The following BCAS3 variants were observed in gnomAD, a reference collection of about 807,000 sequenced individuals.
BCAS3 encodes the protein BCAS3 microtubule associated cell migration factor.
In BCAS3, 53 loss-of-function variants were observed where a neutral mutation model predicts 116.1. The ratio of observed to expected loss-of-function variants is 0.46; its 90% confidence interval spans 0.37 to 0.57. The LOEUF is 0.57. Ranked by LOEUF, BCAS3 falls within the 20% of genes least tolerant of loss-of-function variation. The probability of loss-of-function intolerance (pLI) is 0.00; values close to 1 mark genes in which losing one functional copy is unlikely to be tolerated. For missense variants in BCAS3, 917 were observed against 1,165.4 expected (o/e 0.79, Z 3.10); for synonymous variants, 391 against 408.2 (o/e 0.96, Z 0.51).
intron 7 of BCAS3, among the ~76,000 whole-genome samples, chr17:60,820,947 AAACT>A (rs1228664241): frequency 6.6e-6 from 1 of 152,160 alleles, no homozygotes; most frequent in Non-Finnish European, 1.5e-5. Flanking sequence ...TTTATTAATA[AAACT>A]AACTTTTTTT....
chr17:60,711,193 AG>A (rs1171816251), intron 5 of BCAS3, among the ~76,000 whole-genome samples: 3 of 151,704 alleles, frequency 2.0e-5, no homozygotes, highest in Non-Finnish European at 4.4e-5. Context: ...CGGAGATAGA[AG>A]AATCGTGCTG....
intron 6 of BCAS3, among the ~76,000 whole-genome samples, chr17:60,786,207 G>A (rs1280094263): frequency 6.6e-6 from 1 of 152,150 alleles, no homozygotes; most frequent in African/African-American, 2.4e-5. Context: ...TTGGTAGAAT[G>A]TGAGAATATA....
rs757589936 is a variant in BCAS3 at position 61,015,906 on chromosome 17, G to A, written c.1637+5G>A. On this transcript the variant is annotated splice_donor_5th_base_variant and intron_variant, in intron 16 of 23. Transcript: ENST00000407086. ...GACCATCACCAAACGAACCGGGTAA[G>A]GCCTTAGACTTGATGCTTTTTTAAC... The A allele has an allele frequency of 1.1e-5, 17 of 1,612,948 alleles. No individual in the cohort carries two copies. Among genetic ancestry groups the A allele is most frequent in the Non-Finnish European group, 1.4e-5 (17 of 1,179,362 alleles).
intron 3 of BCAS3, among the ~76,000 whole-genome samples, chr17:60,686,112 C>T (rs1326734282): frequency 6.6e-6 from 1 of 152,050 alleles, no homozygotes; most frequent in African/African-American, 2.4e-5. Context: ...TTGTGATCTG[C>T]CTGCCTCGGC....
intron 22 of BCAS3, among the ~76,000 whole-genome samples, chr17:61,135,155 A>G (rs532215299): frequency 6.6e-6 from 1 of 152,292 alleles, no homozygotes; most frequent in Admixed American, 6.5e-5. Flanking sequence ...TATTATCTTT[A>G]TTATAACAGA....
chr17:60,825,673 T>C (rs2050346168), intron 7 of BCAS3, among the ~76,000 whole-genome samples: 1 of 151,414 alleles, frequency 6.6e-6, no homozygotes, highest in South Asian at 2.1e-4. Context: ...CAGTCTTTGC[T>C]TCCAAGGTTG....
At chr17:60,792,720 C>T (rs940782336) in intron 6 of BCAS3, among the ~76,000 whole-genome samples, 3 of 152,190 alleles carry the variant, frequency 2.0e-5, no homozygotes, top group African/African-American at 7.2e-5. Flanking sequence ...CATGTGATCA[C>T]TGCAAATGCT....
At chr17:60,891,935 G>GT (rs1271143223) in intron 10 of BCAS3, among the ~76,000 whole-genome samples, 4 of 152,114 alleles carry the variant, frequency 2.6e-5, no homozygotes, top group Non-Finnish European at 5.9e-5. Context: ...TTCACTTAAG[G>GT]TAATGGCCTC....
chr17:61,099,456 G>A (rs998142970), intron 22 of BCAS3, among the ~76,000 whole-genome samples: 8 of 152,098 alleles, frequency 5.3e-5, no homozygotes, highest in African/African-American at 9.6e-5. Context: ...CTTTATCTTC[G>A]TTACCTGACT....
intron 15 of BCAS3, among the ~76,000 whole-genome samples, chr17:61,001,378 A>G (rs1302699697): frequency 6.6e-6 from 1 of 152,148 alleles, no homozygotes; most frequent in Non-Finnish European, 1.5e-5. Flanking sequence ...ACTTACGTTG[A>G]TCAGTAGTTT....
chr17:60,783,207 A>G (rs149194745), intron 6 of BCAS3, among the ~76,000 whole-genome samples: 33 of 152,130 alleles, frequency 2.2e-4, no homozygotes, highest in Non-Finnish European at 3.5e-4. Context: ...TTGTTTGTTT[A>G]TTTATTTACT....
chr17:61,211,247 A>G lies in BCAS3; in HGVS notation c.2425+126683A>G, dbSNP rs977466511. On this transcript the variant is annotated intron_variant, in intron 22 of 23. Coordinates refer to ENST00000407086, the MANE Select transcript of BCAS3 (RefSeq NM_017679.5). The surrounding 1 kb of genome is among the most constrained non-coding windows in gnomAD (Gnocchi z 4.4). The stretch of plus-strand genomic sequence containing the variant: ...TCAGTAATCATTGTCTGGTGTGTTC[A>G]GATGATAATCCAGTTGGCCACCAAG... Among the ~76,000 whole-genome samples the G allele has an allele frequency of 9.2e-5, 14 of 152,228 alleles. No homozygotes were observed. The highest frequency in any genetic ancestry group is 3.1e-4 in the African/African-American group (13 of 41,456).
intron 7 of BCAS3, among the ~76,000 whole-genome samples, chr17:60,809,350 A>G (rs115653074): frequency 4.0e-3 from 605 of 152,206 alleles, no homozygotes; most frequent in African/African-American, 0.014. Context: ...CTATTGCAGT[A>G]CTCTGAAACT....
Position 60,910,606 on chromosome 17 carries a change from A to G in BCAS3, c.897A>G (p.Thr299=). The G allele has an allele frequency of 1.2e-6, 2 of 1,613,582 alleles. No homozygotes were observed. The highest frequency in any genetic ancestry group is 1.7e-6 in the Non-Finnish European group (2 of 1,179,748). The change falls in exon 12 of 24, where the codon ACA becomes ACG. Residue 299 remains threonine (T), a synonymous_variant. Coordinates refer to ENST00000407086, the MANE Select transcript of BCAS3 (RefSeq NM_017679.5). The part of the protein sequence containing the change: ...QLTGTLPSGV[T]EDDVAIHSNS... ...CAGGCACACTGCCTTCAGGTGTGACAGAAGATGATGTTGCCATCCACAGTA... is the reference window on the plus strand; with the variant it reads ...CAGGCACACTGCCTTCAGGTGTGACGGAAGATGATGTTGCCATCCACAGTA...
rs949071064 is a variant in BCAS3, at chr17:61,088,429, A to C, written c.2425+3865A>C. On this transcript the variant is annotated intron_variant, in intron 22 of 23. Transcript: ENST00000407086. The surrounding 1 kb of genome is among the most constrained non-coding windows in gnomAD (Gnocchi z 4.2). Reference sequence around the variant, plus strand: ...CATTGATAGTATTTCTAGCCAAAGCACTGCATCAATTTATTCATTTTCCTG... The same window carrying C: ...CATTGATAGTATTTCTAGCCAAAGCCCTGCATCAATTTATTCATTTTCCTG... Among the ~76,000 whole-genome samples the C allele has an allele frequency of 6.6e-6, 1 of 152,218 alleles. No homozygotes were observed.
In BCAS3 at chr17:61,332,719, C is replaced by G. The variant is rs2056390475; in HGVS notation, c.2426-35608C>G. On this transcript the variant is annotated intron_variant, in intron 22 of 23. Coordinates refer to ENST00000407086, the MANE Select transcript of BCAS3 (RefSeq NM_017679.5). This position sits in a 1 kb window ranked among gnomAD's most constrained non-coding sequence, Gnocchi z 5.4. Reference sequence around the variant, plus strand: ...CAGCCTCCACCTCCCAGGTTCAAGCCATTCTCCTGCCTCAGCTTCCTGAAT... The same window carrying G: ...CAGCCTCCACCTCCCAGGTTCAAGCGATTCTCCTGCCTCAGCTTCCTGAAT... 6.6e-6 allele frequency among the ~76,000 whole-genome samples: 1 copy of G among 152,090 alleles called. No homozygotes were observed. Among genetic ancestry groups the G allele is most frequent in the Admixed American group, 6.5e-5 (1 of 15,268 alleles).
intron 19 of BCAS3, among the ~76,000 whole-genome samples, chr17:61,055,649 G>C (rs1228050631): frequency 6.6e-6 from 1 of 152,128 alleles, no homozygotes; most frequent in Non-Finnish European, 1.5e-5. Context: ...TGGAGAACTG[G>C]TATACATTGC....
intron 6 of BCAS3, among the ~76,000 whole-genome samples, chr17:60,777,251 G>A (rs1486517027): frequency 6.6e-6 from 1 of 152,038 alleles, no homozygotes; most frequent in Non-Finnish European, 1.5e-5. Context: ...ACTTAAAAAA[G>A]CTTTGCCACT....
At chr17:61,165,651 A>T (rs1477259970) in intron 22 of BCAS3, among the ~76,000 whole-genome samples, 2 of 152,204 alleles carry the variant, frequency 1.3e-5, no homozygotes, top group East Asian at 3.9e-4. Flanking sequence ...GCACCATTGC[A>T]CTCCAGTCTG....
Sources: allele counts gnomAD v4.1 joint callset (sites outside exome capture counted in the v4.1 genomes callset), GRCh38; gene constraint gnomAD v4.1.1; non-coding constraint Gnocchi (gnomAD v3.1); transcripts MANE v1.5; gene names NCBI Gene and HGNC (gene_info 2026-07-23, HGNC 2026-07-21).